NBEA: variants seen among roughly 807,000 people sequenced by gnomAD.
NBEA encodes the protein neurobeachin, also known as lysosomal-trafficking regulator 2.
Under a neutral mutation model 343.4 loss-of-function variants are expected in NBEA, and 44 were observed. The ratio of observed to expected loss-of-function variants is 0.13; its 90% CI spans 0.10 to 0.16. The LOEUF is 0.16. Among genes scored for constraint, NBEA ranks in the 10% least tolerant of loss-of-function variants. The pLI is 1.00. For missense variants in NBEA, 2,555 were observed against 3,631.3 expected, an observed-to-expected ratio of 0.70 and a Z score of 7.62; for synonymous variants, 1,175 against 1,238.7, an observed-to-expected ratio of 0.95 and a Z score of 1.08.
intron 41 of NBEA, among the ~76,000 whole-genome samples, chr13:35,489,897 A>G (rs1486485383): frequency 6.6e-6 from 1 of 151,932 alleles, no homozygotes; most frequent in Non-Finnish European, 1.5e-5. Flanking sequence ...TTTAAAAAAA[A>G]CTTTATGAAT....
Position 35,505,732 on chromosome 13 carries a change from A to G in NBEA, c.6585+33196A>G, listed in dbSNP as rs114864522. Among the ~76,000 whole-genome samples the G allele has an allele frequency of 2.5e-3, 386 of 152,312 alleles. 2 individuals carry two copies. Among genetic ancestry groups the G allele is most frequent in the African/African-American group, 8.9e-3 (369 of 41,568 alleles). ...TAGTAAAATAAATACTATGAGAGGT[A>G]TCCATGAGTTTTAATATCTGGAAAT... On this transcript the variant is annotated intron_variant, in intron 41 of 58. Coordinates refer to ENST00000379939, the MANE Select transcript of NBEA (RefSeq NM_001385012.1).
At chr13:35,583,073 C>G (rs896359410) in intron 45 of NBEA, among the ~76,000 whole-genome samples, 3 of 152,130 alleles carry the variant, frequency 2.0e-5, no homozygotes, top group Non-Finnish European at 2.9e-5. Flanking sequence ...ACCATAAGCA[C>G]GGACTCTGTA....
chr13:35,357,041 T>C (rs547284524), intron 38 of NBEA, among the ~76,000 whole-genome samples: 1 of 152,306 alleles, frequency 6.6e-6, no homozygotes, highest in Non-Finnish European at 1.5e-5. Context: ...TGGACTTTCA[T>C]TTACTGGTGT....
At chr13:35,605,617 A>G (rs1269487899) in intron 47 of NBEA, among the ~76,000 whole-genome samples, 2 of 152,176 alleles carry the variant, frequency 1.3e-5, no homozygotes, top group Admixed American at 6.5e-5. Flanking sequence ...TTTTCTCCCA[A>G]TTACTTTTTA....
chr13:35,183,654 TAA>T (rs765648633), intron 29 of NBEA, among the ~76,000 whole-genome samples: 2 of 152,080 alleles, frequency 1.3e-5, no homozygotes, highest in Non-Finnish European at 2.9e-5. Flanking sequence ...TTTAAAACAC[TAA>T]GACTTATCAT....
At chr13:35,531,823 A>C (rs1236409370) in intron 41 of NBEA, among the ~76,000 whole-genome samples, 2 of 152,226 alleles carry the variant, frequency 1.3e-5, no homozygotes, top group African/African-American at 2.4e-5. Context: ...CCAGACTGTC[A>C]CCATTTTAAG....
rs560139658 is a variant in NBEA, at chr13:35,496,582, G to A, written c.6585+24046G>A. On this transcript the variant is annotated intron_variant, in intron 41 of 58. Transcript: ENST00000379939. ...CCAGAAGGTTGAGGCTGCAGTGAGC[G>A]ATATTGTCACCACTGCACTCCAGCC... Among the ~76,000 whole-genome samples the A allele has an allele frequency of 1.7e-4, 25 of 146,960 alleles. No homozygotes were observed. The East Asian group carries it at 5.0e-3, about 30-fold the overall frequency.
In NBEA at chr13:35,159,864, G is replaced by A; in HGVS notation, c.3693G>A (p.Gly1231=). The A allele has an allele frequency of 6.2e-7, 1 of 1,604,558 alleles. No individual in the cohort carries two copies. Among genetic ancestry groups the A allele is most frequent in the Non-Finnish European group, 8.5e-7 (1 of 1,175,010 alleles). The change falls in exon 22 of 59, where the codon GGG becomes GGA. Residue 1231 remains glycine (G), a synonymous_variant. Transcript: ENST00000379939. ...SERDLASSTK[G]LEYAEMTATT... ...GAGACTTAGCGTCATCAACTAAGGG[G>A]CTGGAGTATGCTGAAATGACTGCTA...
At chr13:35,559,097 A>C (rs2079729277) in intron 44 of NBEA, among the ~76,000 whole-genome samples, 1 of 152,200 alleles carries the variant, frequency 6.6e-6, no homozygotes. Context: ...TTTAAATAGG[A>C]GTGCCAGTTT....
chr13:35,195,547 C>T (rs927525306), intron 30 of NBEA, among the ~76,000 whole-genome samples: 2 of 151,834 alleles, frequency 1.3e-5, no homozygotes, highest in Admixed American at 6.6e-5. Context: ...TAGACGTATC[C>T]CACCGTGCCT....
chr13:35,057,298 C>T (rs2063306322), intron 7 of NBEA, among the ~76,000 whole-genome samples: 1 of 152,136 alleles, frequency 6.6e-6, no homozygotes, highest in Non-Finnish European at 1.5e-5. Context: ...TAGCACTGTG[C>T]ATATGGTCCA....
At chr13:35,333,218 A>G (rs1355492267) in intron 36 of NBEA, among the ~76,000 whole-genome samples, 2 of 152,138 alleles carry the variant, frequency 1.3e-5, no homozygotes, top group East Asian at 3.9e-4. Flanking sequence ...AAAGGTTAGA[A>G]TTGTGAAATA....
At chr13:35,298,300 T>C (rs1011009523) in intron 35 of NBEA, among the ~76,000 whole-genome samples, 1 of 148,398 alleles carries the variant, frequency 6.7e-6, no homozygotes, top group Non-Finnish European at 1.5e-5. Flanking sequence ...CAAGAAGCTG[T>C]TTCAGAGGTC....
At chr13:35,660,865 T>C (rs1287931270) in intron 55 of NBEA, among the ~76,000 whole-genome samples, 3 of 152,232 alleles carry the variant, frequency 2.0e-5, no homozygotes, top group Non-Finnish European at 4.4e-5. Flanking sequence ...ATTTAGCATA[T>C]GTTAAACCAT....
In NBEA at chr13:35,142,391, A is replaced by G. The variant is rs1308041248; in HGVS notation, c.2445+14A>G. The G allele has an allele frequency of 1.9e-6, 3 of 1,589,294 alleles. No homozygotes were observed. The Admixed American group carries it at 5.0e-5, about 27-fold the overall frequency. ...ACACTTTATGAGGTAAAAATAAAAA[A>G]TGTGTGATGAAAGTTTTAAGTGTAT... On this transcript the variant is annotated intron_variant, in intron 18 of 58. Coordinates refer to ENST00000379939, the MANE Select transcript of NBEA (RefSeq NM_001385012.1).
intron 40 of NBEA, among the ~76,000 whole-genome samples, chr13:35,458,328 G>A (rs1266996046): frequency 6.6e-6 from 1 of 152,074 alleles, no homozygotes; most frequent in Non-Finnish European, 1.5e-5. Flanking sequence ...GTTCTTCCAT[G>A]TTTTCTCTGT....
At chr13:35,361,993 T>A (rs1370432470) in intron 38 of NBEA, among the ~76,000 whole-genome samples, 1 of 151,956 alleles carries the variant, frequency 6.6e-6, no homozygotes, top group Non-Finnish European at 1.5e-5. Flanking sequence ...TGTATGCATT[T>A]GTCAAGATTT....
intron 41 of NBEA, among the ~76,000 whole-genome samples, chr13:35,539,965 T>A (rs1192476116): frequency 7.3e-6 from 1 of 136,772 alleles, no homozygotes; most frequent in African/African-American, 2.8e-5. Flanking sequence ...TTGTAATACA[T>A]GCAGTTTTCT....
intron 45 of NBEA, among the ~76,000 whole-genome samples, chr13:35,583,436 T>C (rs2081148024): frequency 6.6e-6 from 1 of 152,202 alleles, no homozygotes; most frequent in African/African-American, 2.4e-5. Context: ...CAGGCTTCCA[T>C]ATGGAGGGTT....
Sources: allele counts gnomAD v4.1 joint callset (sites outside exome capture counted in the v4.1 genomes callset), GRCh38; gene constraint gnomAD v4.1.1; transcripts MANE v1.5; gene names NCBI Gene and HGNC (gene_info 2026-07-23, HGNC 2026-07-21).